Variants in NUDCD1 observed in about 807,000 individuals in gnomAD.
NUDCD1 encodes the protein NudC domain containing 1.
NUDCD1 carries 60 observed loss-of-function variants against 67.8 expected under a neutral mutation model. The ratio of observed to expected loss-of-function variants is 0.88; its 90% CI spans 0.72 to 1.10. The LOEUF (loss-of-function observed/expected upper bound fraction) is 1.10, where lower values mean the gene tolerates loss of function less well. NUDCD1 is among the 50% of genes least tolerant of loss of function. The probability of loss-of-function intolerance (pLI) is 0.00; values close to 1 mark genes in which losing one functional copy is unlikely to be tolerated. For missense variants in NUDCD1, 643 were observed against 695.0 expected, an observed-to-expected ratio of 0.93 and a Z score of 0.84; for synonymous variants, 244 against 230.8, an observed-to-expected ratio of 1.06 and a Z score of -0.52.
chr8:109,324,733 A>G (rs1430597781), intron 1 of NUDCD1, among the ~76,000 whole-genome samples: 1 of 152,248 alleles, frequency 6.6e-6, no homozygotes, highest in Non-Finnish European at 1.5e-5. Flanking sequence ...GCCATAAAAA[A>G]GAACGAAATT....
chr8:109,333,929 C>G lies in NUDCD1; in HGVS notation c.82G>C (p.Glu28Gln). Residue 28 changes from glutamate to glutamine, a missense_variant, in exon 1 of 10, where the codon GAG (glutamate) becomes CAG (glutamine). By Grantham distance (29) the Glu-to-Gln change is conservative (BLOSUM62 2). Transcript: ENST00000239690. Reference protein sequence around the residue: ...PRFEGYKLSLEPLPCYQLELD... With the variant: ...PRFEGYKLSLQPLPCYQLELD... ...TCCAGCTGGTAACAAGGCAGCGGCT[C>G]AAGAGAGAGCTTGTAACCCTCGAAG... 6.2e-7 allele frequency: 1 copy of G among 1,614,180 alleles called. No individual in the cohort carries two copies. The highest frequency in any genetic ancestry group is 2.2e-5 in the East Asian group (1 of 44,874).
chr8:109,286,068 A>AATG (rs1485325174), intron 5 of NUDCD1, among the ~76,000 whole-genome samples: 14 of 151,872 alleles, frequency 9.2e-5, no homozygotes, highest in Non-Finnish European at 1.6e-4. Flanking sequence ...TAATAATAAT[A>AATG]ATAATAAAAT....
At chr8:109,275,538 T>C (rs370716793) in intron 6 of NUDCD1, 42 bp from the exon 7 acceptor site, 249 of 1,482,964 alleles carry the variant, frequency 1.7e-4, no homozygotes, top group Non-Finnish European at 2.2e-4. Flanking sequence ...ATTAAGCAAT[T>C]ATACAAATTA....
chr8:109,256,452 T>A (rs1050809698), intron 8 of NUDCD1, among the ~76,000 whole-genome samples: 2 of 125,046 alleles, frequency 1.6e-5, no homozygotes, highest in African/African-American at 5.7e-5. Flanking sequence ...TGTGCATGTG[T>A]TGAGTCTCAA....
At chr8:109,312,709 C>T (rs988701415) in intron 2 of NUDCD1, among the ~76,000 whole-genome samples, 4 of 152,194 alleles carry the variant, frequency 2.6e-5, no homozygotes, top group South Asian at 2.1e-4. Flanking sequence ...CCTGACATTA[C>T]GGAGAAGGCC....
At position 109,314,915 on chromosome 8, in the gene NUDCD1, T is replaced by C. The variant is rs1295737223; in HGVS notation, c.273+7394A>G. On this transcript the variant is annotated intron_variant, in intron 2 of 9. Transcript: ENST00000239690. ...TAACGAAGTAGTTTTCTAATAAATATAGATTTATAGAAAGGGCTACTCAAG... is the reference window on the plus strand; with the variant it reads ...TAACGAAGTAGTTTTCTAATAAATACAGATTTATAGAAAGGGCTACTCAAG... Among the ~76,000 whole-genome samples the C allele has an allele frequency of 2.6e-5, 4 of 152,044 alleles. No individual in the cohort carries two copies. The East Asian group carries it at 7.7e-4, about 29-fold the overall frequency.
chr8:109,269,338 C>T (rs1336271993), intron 8 of NUDCD1, among the ~76,000 whole-genome samples: 1 of 151,316 alleles, frequency 6.6e-6, no homozygotes, highest in Non-Finnish European at 1.5e-5. Context: ...TGGTCCTATG[C>T]CATTCCACCT....
intron 7 of NUDCD1, 65 bp downstream of exon 7, chr8:109,275,287 G>A: frequency 6.9e-7 from 1 of 1,452,178 alleles, no homozygotes; most frequent in Non-Finnish European, 9.5e-7. Flanking sequence ...GAAAAGCATG[G>A]CATAATCTTC....
At chr8:109,266,869 T>C (rs1586262435) in intron 8 of NUDCD1, among the ~76,000 whole-genome samples, 1 of 152,176 alleles carries the variant, frequency 6.6e-6, no homozygotes, top group Admixed American at 6.5e-5. Flanking sequence ...AAAATGGCAA[T>C]TCTAACCCTA....
At chr8:109,300,213 C>CA (rs1375239585) in intron 2 of NUDCD1, among the ~76,000 whole-genome samples, 2 of 152,108 alleles carry the variant, frequency 1.3e-5, no homozygotes, top group African/African-American at 2.4e-5. Flanking sequence ...CTCCGAAAAT[C>CA]ACAATAGTTC....
chr8:109,244,473 A>G (rs1185336523), intron 9 of NUDCD1, among the ~76,000 whole-genome samples: 1 of 152,164 alleles, frequency 6.6e-6, no homozygotes, highest in Non-Finnish European at 1.5e-5. Context: ...TTATATGGTT[A>G]AATTAGTTAA....
chr8:109,324,834 C>G (rs1815633468), intron 1 of NUDCD1, among the ~76,000 whole-genome samples: 1 of 152,176 alleles, frequency 6.6e-6, no homozygotes, highest in Non-Finnish European at 1.5e-5. Flanking sequence ...GGCCTGTAAT[C>G]CCAGCACTTT....
chr8:109,313,809 G>T, intron 2 of NUDCD1: 1 of 1,011,032 alleles, frequency 9.9e-7, no homozygotes, highest in Non-Finnish European at 1.4e-6. Flanking sequence ...GGTTATACAT[G>T]ACGGAGGTTG....
rs1815878086 is a variant in NUDCD1 at position 109,333,820 on chromosome 8, T to TGCGGGAAGGGTCAGGCCGGAGGCA, written c.118+49_118+72dup. 3 of 1,498,672 alleles carry TGCGGGAAGGGTCAGGCCGGAGGCA rather than the reference T, an allele frequency of 2.0e-6. No individual in the cohort carries two copies. The African/African-American group carries it at 4.2e-5, about 21-fold the overall frequency. 92.8% of individuals were successfully genotyped at this position (1,498,672 alleles called of 1,614,324 possible). A position where few individuals can be genotyped will look rare whatever the true frequency, so the allele number is the denominator to read the frequency against. The stretch of plus-strand genomic sequence containing the variant: ...GCTTGCCAGTCAGAAAGAAAGAAAT[T>TGCGGGAAGGGTCAGGCCGGAGGCA]GCGGGAAGGGTCAGGCCGGAGGCAG... On this transcript the variant is annotated intron_variant, in intron 1 of 9. Coordinates refer to ENST00000239690, the MANE Select transcript of NUDCD1 (RefSeq NM_032869.4).
At chr8:109,245,003 C>T (rs1324574841) in intron 9 of NUDCD1, among the ~76,000 whole-genome samples, 1 of 152,104 alleles carries the variant, frequency 6.6e-6, no homozygotes, top group Non-Finnish European at 1.5e-5. Flanking sequence ...TATTATCAAG[C>T]TCCTTGCTCA....
At position 109,280,964 on chromosome 8, in the gene NUDCD1, A is replaced by T. The variant is rs956938094; in HGVS notation, c.1028+4T>A. On this transcript the variant is annotated splice_donor_region_variant and intron_variant, in intron 6 of 9. Transcript: ENST00000239690. ...AATATTAAAGTAAAATTAAAAAAAA[A>T]TACCTATTACTCTCTTTAATTATCC... 7.5e-7 allele frequency: 1 copy of T among 1,333,656 alleles called. No individual in the cohort carries two copies. The highest frequency in any genetic ancestry group is 1.5e-5 in the African/African-American group (1 of 65,036). 82.6% of individuals were successfully genotyped at this position (1,333,656 alleles called of 1,614,324 possible). A position where few individuals can be genotyped will look rare whatever the true frequency, so the allele number is the denominator to read the frequency against.
intron 2 of NUDCD1, among the ~76,000 whole-genome samples, chr8:109,303,844 G>A (rs560621186): frequency 3.3e-5 from 5 of 152,032 alleles, no homozygotes; most frequent in Admixed American, 6.5e-5. Context: ...GTTATCACTC[G>A]CCTGCTACAG....
intron 6 of NUDCD1, among the ~76,000 whole-genome samples, chr8:109,279,039 T>A (rs1480571608): frequency 6.6e-6 from 1 of 152,040 alleles, no homozygotes; most frequent in Admixed American, 6.6e-5. Context: ...ATTAGCTGAG[T>A]GACTGTGCCA....
intron 2 of NUDCD1, chr8:109,298,619 GA>G (rs1814900803): frequency 6.6e-6 from 1 of 152,200 alleles, no homozygotes; most frequent in Non-Finnish European, 1.5e-5. Flanking sequence ...AGGCATGTAA[GA>G]GAAAGGGAGA....
Sources: allele counts gnomAD v4.1 joint callset (sites outside exome capture counted in the v4.1 genomes callset), GRCh38; gene constraint gnomAD v4.1.1; transcripts MANE v1.5; gene names NCBI Gene and HGNC (gene_info 2026-07-23, HGNC 2026-07-21).